SHTN1: variants seen among roughly 807,000 people sequenced by gnomAD.
The protein encoded by SHTN1 is shootin 1, also known as shootin-1.
SHTN1 carries 42 observed loss-of-function variants against 83.1 expected under a neutral mutation model. That is an observed-to-expected ratio of 0.51 (90% CI 0.39 to 0.65). The LOEUF (loss-of-function observed/expected upper bound fraction) is 0.65, where lower values mean the gene tolerates loss of function less well. SHTN1 is among the 30% of genes least tolerant of loss of function. The pLI is 0.00. For missense variants in SHTN1, 622 were observed against 737.8 expected, an observed-to-expected ratio of 0.84 and a Z score of 1.82; for synonymous variants, 224 against 247.7, an observed-to-expected ratio of 0.90 and a Z score of 0.90.
At chr10:116,937,955 G>GATCAA (rs1564886482) in intron 9 of SHTN1, among the ~76,000 whole-genome samples, 3 of 150,480 alleles carry the variant, frequency 2.0e-5, no homozygotes, top group Non-Finnish European at 4.4e-5. Flanking sequence ...TGATCGATTC[G>GATCAA]GCTATTGATA....
intron 1 of SHTN1, among the ~76,000 whole-genome samples, chr10:117,072,639 G>C (rs1294240109): frequency 6.6e-6 from 1 of 152,190 alleles, no homozygotes; most frequent in Non-Finnish European, 1.5e-5. Flanking sequence ...TGGCTCTCAG[G>C]AAGTGACATC....
chr10:117,103,058 G>A (rs1017786932), intron 1 of SHTN1, among the ~76,000 whole-genome samples: 1 of 152,094 alleles, frequency 6.6e-6, no homozygotes, highest in Non-Finnish European at 1.5e-5. Flanking sequence ...TTGGTTCCTT[G>A]TTCTATTTTT....
chr10:117,091,045 C>A (rs1312829835), intron 1 of SHTN1, among the ~76,000 whole-genome samples: 1 of 152,134 alleles, frequency 6.6e-6, no homozygotes, highest in Non-Finnish European at 1.5e-5. Context: ...AAATTATCCT[C>A]TGGAAGAGAA....
At chr10:116,935,237 T>C (rs996795983) in intron 9 of SHTN1, among the ~76,000 whole-genome samples, 3 of 152,244 alleles carry the variant, frequency 2.0e-5, no homozygotes, top group Non-Finnish European at 2.9e-5. Context: ...ATCCTTGTCA[T>C]GTGCCAGTTT....
At chr10:117,097,030 G>GACACACACACACACACACATAGACAC (rs1853512924) in intron 1 of SHTN1, among the ~76,000 whole-genome samples, 1 of 148,950 alleles carries the variant, frequency 6.7e-6, no homozygotes, top group Non-Finnish European at 1.5e-5. Flanking sequence ...CACACACATA[G>GACACACACACACACACACATAGACAC]ACACACACAC....
Position 117,062,266 on chromosome 10 carries a change from A to T in SHTN1, c.-188-13756T>A, listed in dbSNP as rs192209851. Among the ~76,000 whole-genome samples, 137 of 152,352 alleles carry T rather than the reference A, an allele frequency of 9.0e-4. 1 individual carries two copies. The highest frequency in any genetic ancestry group is 6.3e-4 in the Non-Finnish European group (43 of 68,032). ...TGATATGATTTATAGGTAAAAGTGA[A>T]TTTACCCTACAGTGAAAAACATTTT... On this transcript the variant is annotated intron_variant, in intron 1 of 17. Transcript: ENST00000392901.
At position 116,881,506 on chromosome 10, in the gene SHTN1, T is replaced by C; in HGVS notation, c.*4838A>G. ...ATTAGACAGTAAACTTTATTGTTAC[T>C]TTAAATAGGTTTCAAAGAAGAACAC... On this transcript the variant is annotated 3_prime_UTR_variant, in exon 17 of 17. Transcript: ENST00000355371. 2.0e-6 allele frequency: 3 copies of C among 1,532,402 alleles called. No homozygotes were observed. The highest frequency in any genetic ancestry group is 1.4e-5 in the African/African-American group (1 of 72,122). The allele number at this position is 1,532,402 out of a possible 1,614,324, so 94.9% of individuals were successfully genotyped here.
At chr10:117,052,020 A>ATATATATATATATATATATATATATATG (rs1280560233) in intron 1 of SHTN1, among the ~76,000 whole-genome samples, 2 of 137,980 alleles carry the variant, frequency 1.4e-5, no homozygotes, top group African/African-American at 5.2e-5. Context: ...ATATATATAT[A>ATATATATATATATATATATATATATATG]TAGAAAAGCC....
chr10:117,125,167 C>T (rs1853984927), intron 1 of SHTN1, among the ~76,000 whole-genome samples: 1 of 152,174 alleles, frequency 6.6e-6, no homozygotes, highest in African/African-American at 2.4e-5. Flanking sequence ...CCACGGAGGC[C>T]TCAGAATCCT....
intron 2 of SHTN1, among the ~76,000 whole-genome samples, chr10:117,032,741 C>G (rs1302450085): frequency 6.6e-6 from 1 of 152,146 alleles, no homozygotes; most frequent in East Asian, 1.9e-4. Context: ...AATACACATT[C>G]TTTTCCTCAG....
chr10:116,942,976 T>G (rs1180510050), intron 8 of SHTN1, among the ~76,000 whole-genome samples: 1 of 152,240 alleles, frequency 6.6e-6, no homozygotes, highest in Non-Finnish European at 1.5e-5. Flanking sequence ...GCATAAACTT[T>G]GTAAAAAGGA....
At chr10:117,090,925 A>G (rs1295775423) in intron 1 of SHTN1, among the ~76,000 whole-genome samples, 1 of 152,164 alleles carries the variant, frequency 6.6e-6, no homozygotes, top group Non-Finnish European at 1.5e-5. Context: ...TGTTCCCAAG[A>G]CTTTTTCTTT....
intron 2 of SHTN1, among the ~76,000 whole-genome samples, chr10:117,030,405 G>A (rs1852397956): frequency 1.3e-5 from 2 of 152,200 alleles, no homozygotes; most frequent in African/African-American, 4.8e-5. Flanking sequence ...AGCCCAGATT[G>A]AGAAGACTAC....
chr10:116,984,920 T>C (rs1463339734), intron 1 of SHTN1, among the ~76,000 whole-genome samples: 1 of 152,082 alleles, frequency 6.6e-6, no homozygotes, highest in Non-Finnish European at 1.5e-5. Flanking sequence ...CATACTTAGG[T>C]ACCTTTGCAA....
At chr10:116,963,102 C>T (rs1403070003) in intron 3 of SHTN1, among the ~76,000 whole-genome samples, 14 of 95,210 alleles carry the variant, frequency 1.5e-4, no homozygotes, top group African/African-American at 2.1e-4. Context: ...GACGGAGTCT[C>T]GCTCTGTGGC....
In SHTN1 at chr10:116,884,267, C is replaced by A. The variant is rs117055344; in HGVS notation, c.*2077G>T. ...CCCTTGCTTTGGTTGACAGTGTCAC[C>A]CCAGCCAGGGGCAAAACCCCCTCAA... On this transcript the variant is annotated 3_prime_UTR_variant, in exon 17 of 17. Transcript: ENST00000355371. 93 of 459,234 alleles carry A rather than the reference C, an allele frequency of 2.0e-4. 1 individual carries two copies. The East Asian group carries it at 5.9e-3, about 29-fold the overall frequency. The allele number at this position is 459,234 out of a possible 1,614,324, so 28.4% of individuals were successfully genotyped here.
At chr10:117,120,151 T>C (rs1311825187) in intron 1 of SHTN1, among the ~76,000 whole-genome samples, 1 of 151,916 alleles carries the variant, frequency 6.6e-6, no homozygotes, top group African/African-American at 2.4e-5. Context: ...AATAATAAAT[T>C]GTACATTTAA....
intron 2 of SHTN1, among the ~76,000 whole-genome samples, chr10:117,036,211 T>C (rs542005086): frequency 3.3e-5 from 5 of 152,246 alleles, no homozygotes; most frequent in South Asian, 4.2e-4. Flanking sequence ...ACAACCACTA[T>C]GGAGAACAGT....
chr10:117,090,941 C>T (rs1460271539), intron 1 of SHTN1, among the ~76,000 whole-genome samples: 2 of 152,180 alleles, frequency 1.3e-5, no homozygotes, highest in African/African-American at 2.4e-5. Flanking sequence ...TCTTTAAAGG[C>T]TTCTGACCCT....
Sources: gnomAD v4.1 joint callset for allele counts (sites outside exome capture counted in the v4.1 genomes callset) on GRCh38, gnomAD v4.1.1 for gene constraint, MANE v1.5 for transcripts, NCBI Gene and HGNC (gene_info 2026-07-23, HGNC 2026-07-21) for gene names.